Variants in SMAP2 observed in about 807,000 individuals in gnomAD.
SMAP2 encodes the protein stromal membrane-associated protein 2.
Under a neutral mutation model 56.4 loss-of-function variants are expected in SMAP2, and 25 were observed. The ratio of observed to expected loss-of-function variants is 0.44; its 90% confidence interval spans 0.32 to 0.62. The LOEUF is 0.62. Ranked by LOEUF, SMAP2 falls within the 20% of genes least tolerant of loss-of-function variation. The pLI is 0.04. For synonymous variants in SMAP2, 157 were observed against 181.7 expected (o/e 0.86, Z 1.09); for missense variants, 388 against 545.6 (o/e 0.71, Z 2.88).
rs369609303 is a variant in SMAP2, at chr1:40,417,053, A to G, written c.1121A>G (p.Tyr374Cys). The G allele has an allele frequency of 3.8e-5, 61 of 1,612,168 alleles. No individual in the cohort carries two copies. The highest frequency in any genetic ancestry group is 1.7e-4 in the Admixed American group (10 of 59,960). Residue 374 changes from tyrosine to cysteine, a missense_variant, in exon 9 of 10, where the codon TAT (tyrosine) becomes TGT (cysteine). Transcript: ENST00000372718. ...AGMAAMPQTV[Y>C]GVQPAQQLQW... ...ATGGCAGCTATGCCCCAGACTGTGT[A>G]TGGGGTCCAGCCAGCTCAGCAGCTG...
In SMAP2 at chr1:40,398,287, G is replaced by T. The variant is rs142408765; in HGVS notation, c.104-8449G>T. ...TCTGTTCCCTAGGATGAAGTGCCAT[G>T]GTGCAATCATAGCTCATTGCAGCCT... On this transcript the variant is annotated intron_variant, in intron 1 of 9. Coordinates refer to ENST00000372718, the MANE Select transcript of SMAP2 (RefSeq NM_022733.3). Among the ~76,000 whole-genome samples, 429 of 151,588 alleles carry T rather than the reference G, an allele frequency of 2.8e-3. 2 individuals are homozygous for T. The highest frequency in any genetic ancestry group is 3.0e-3 in the Non-Finnish European group (203 of 67,964).
chr1:40,348,353 C>T (rs555630732), intron 1 of SMAP2, among the ~76,000 whole-genome samples: 61 of 152,254 alleles, frequency 4.0e-4, no homozygotes, highest in Non-Finnish European at 7.4e-4. Context: ...CTGCTTTCTA[C>T]TTCCCAGCCC....
intron 6 of SMAP2, 114 bp downstream of exon 6, chr1:40,414,354 G>A: frequency 1.1e-6 from 1 of 899,042 alleles, no homozygotes; most frequent in South Asian, 1.5e-5. Flanking sequence ...TGCCAAGACT[G>A]TTCTCTCACA....
chr1:40,395,767 TGAA>T (rs1184392038), intron 1 of SMAP2, among the ~76,000 whole-genome samples: 1 of 152,220 alleles, frequency 6.6e-6, no homozygotes, highest in Admixed American at 6.5e-5. Flanking sequence ...ATGAGAAAGA[TGAA>T]GAATGCCTCC....
intron 1 of SMAP2, chr1:40,375,829 C>T (rs940249527): frequency 8.3e-6 from 5 of 600,120 alleles, no homozygotes; most frequent in Non-Finnish European, 9.8e-6. Flanking sequence ...GACTAGAACC[C>T]CCCCCCCCAT....
chr1:40,350,025 G>A (rs565783779), intron 1 of SMAP2, among the ~76,000 whole-genome samples: 3 of 152,138 alleles, frequency 2.0e-5, no homozygotes, highest in Admixed American at 1.3e-4. Flanking sequence ...CAGGCCTCCC[G>A]GAGGCTGTGG....
intron 1 of SMAP2, among the ~76,000 whole-genome samples, chr1:40,357,332 G>A (rs1003026623): frequency 6.6e-6 from 1 of 152,140 alleles, no homozygotes; most frequent in Non-Finnish European, 1.5e-5. Flanking sequence ...ACGTGTGCCT[G>A]TAGTCCTAGC....
intron 1 of SMAP2, chr1:40,396,968 T>G: frequency 1.8e-5 from 7 of 385,832 alleles, no homozygotes; most frequent in Non-Finnish European, 2.1e-5. Flanking sequence ...GGGTCAGAGT[T>G]AATGACAAGT....
intron 1 of SMAP2, among the ~76,000 whole-genome samples, chr1:40,355,922 T>C (rs1644433482): frequency 6.6e-6 from 1 of 152,126 alleles, no homozygotes; most frequent in Admixed American, 6.6e-5. Context: ...ATTCTAGATC[T>C]TATTCATTCT....
At chr1:40,396,264 T>C (rs1442112049) in intron 1 of SMAP2, among the ~76,000 whole-genome samples, 3 of 152,160 alleles carry the variant, frequency 2.0e-5, no homozygotes, top group African/African-American at 7.2e-5. Flanking sequence ...TCTCTAATAG[T>C]GGGTGCCGTC....
chr1:40,358,480 G>C, intron 1 of SMAP2, among the ~76,000 whole-genome samples: 1 of 152,068 alleles, frequency 6.6e-6, no homozygotes, highest in East Asian at 1.9e-4. Context: ...GGGGGCGGAG[G>C]TTACAGTAAG....
At chr1:40,402,461 T>C (rs574921709) in intron 1 of SMAP2, among the ~76,000 whole-genome samples, 174 of 151,814 alleles carry the variant, frequency 1.1e-3, no homozygotes, top group African/African-American at 3.9e-3. Flanking sequence ...GTATTTTTGT[T>C]TTTTTTTTGA....
upstream of SMAP2, among the ~76,000 whole-genome samples, chr1:40,372,428 C>T (rs1047845678): frequency 6.6e-6 from 1 of 152,062 alleles, no homozygotes; most frequent in Non-Finnish European, 1.5e-5. Flanking sequence ...AGGTATGTGC[C>T]ACCACACCCA....
intron 5 of SMAP2, 23 bp from the exon 6 acceptor site, chr1:40,414,136 G>C (rs209605): frequency 0.059 from 94,641 of 1,611,770 alleles, 3,887 homozygotes; most frequent in East Asian, 0.19. Flanking sequence ...CTTATTTCTT[G>C]CTATAACATA....
intron 4 of SMAP2, among the ~76,000 whole-genome samples, chr1:40,412,372 C>T (rs1644944267): frequency 6.6e-6 from 1 of 152,160 alleles, no homozygotes; most frequent in African/African-American, 2.4e-5. Flanking sequence ...TTTCTCCCTG[C>T]ATAAAGTGCA....
chr1:40,380,813 G>A (rs142212455), intron 1 of SMAP2, among the ~76,000 whole-genome samples: 1,789 of 152,268 alleles, frequency 0.012, 35 homozygotes, highest in African/African-American at 0.041. Context: ...ATAGGTGTGA[G>A]CCGCCGCACC....
chr1:40,407,156 C>T (rs1435576290), intron 2 of SMAP2, among the ~76,000 whole-genome samples: 1 of 152,160 alleles, frequency 6.6e-6, no homozygotes, highest in Non-Finnish European at 1.5e-5. Context: ...TTCTAAGACT[C>T]TTAGCATTTG....
At chr1:40,397,394 A>G (rs1320005660) in intron 1 of SMAP2, among the ~76,000 whole-genome samples, 1 of 152,114 alleles carries the variant, frequency 6.6e-6, no homozygotes, top group Non-Finnish European at 1.5e-5. Flanking sequence ...TTTTTACACA[A>G]CCTTAATTGT....
intron 1 of SMAP2, among the ~76,000 whole-genome samples, chr1:40,361,760 G>A (rs1644460884): frequency 6.6e-6 from 1 of 152,182 alleles, no homozygotes; most frequent in Non-Finnish European, 1.5e-5. Context: ...CAAAGGGAAA[G>A]GAAGAGGGGG....
Sources: allele counts gnomAD v4.1 joint callset (sites outside exome capture counted in the v4.1 genomes callset), GRCh38; gene constraint gnomAD v4.1.1; transcripts MANE v1.5; gene names NCBI Gene and HGNC (gene_info 2026-07-23, HGNC 2026-07-21).